The following MAD1L1 variants were observed in gnomAD, a reference collection of about 807,000 sequenced individuals.
MAD1L1 encodes mitotic spindle assembly checkpoint protein MAD1.
A neutral mutation model predicts 96.9 loss-of-function variants in MAD1L1; 95 were observed. The ratio of observed to expected loss-of-function variants is 0.98; its 90% CI spans 0.83 to 1.16. The LOEUF is 1.16. MAD1L1 is among the 50% of genes most tolerant of loss of function. MAD1L1 has a pLI of 0.00. For synonymous variants in MAD1L1, 473 were observed against 396.6 expected, an observed-to-expected ratio of 1.19 and a Z score of -2.29; for missense variants, 1,007 against 954.4, an observed-to-expected ratio of 1.06 and a Z score of -0.73.
intron 17 of MAD1L1, among the ~76,000 whole-genome samples, chr7:1,925,685 T>C (rs895597117): frequency 6.6e-6 from 1 of 152,236 alleles, no homozygotes; most frequent in Non-Finnish European, 1.5e-5. Flanking sequence ...GAGGCCACGT[T>C]CAAACTATGG....
chr7:1,902,774 CGG>C (rs1787329091), intron 17 of MAD1L1, among the ~76,000 whole-genome samples: 1 of 151,820 alleles, frequency 6.6e-6, no homozygotes, highest in African/African-American at 2.4e-5. Flanking sequence ...CAGTGGCCTA[CGG>C]AAGACGATCT....
At chr7:1,950,211 G>C (rs1219110972) in intron 16 of MAD1L1, among the ~76,000 whole-genome samples, 2 of 152,212 alleles carry the variant, frequency 1.3e-5, no homozygotes, top group Non-Finnish European at 2.9e-5. Context: ...TGTGACTCTG[G>C]GCCAGTCCCC....
intron 11 of MAD1L1, among the ~76,000 whole-genome samples, chr7:2,148,872 G>A (rs1451437912): frequency 1.3e-5 from 2 of 152,160 alleles, no homozygotes; most frequent in Admixed American, 1.3e-4. Context: ...GATCCAAGGA[G>A]GGACCCCACA....
chr7:2,026,480 A>G (rs1017036902), intron 12 of MAD1L1, among the ~76,000 whole-genome samples: 5 of 152,222 alleles, frequency 3.3e-5, no homozygotes, highest in African/African-American at 1.2e-4. Flanking sequence ...TGCACTCAAC[A>G]ATTGCAGAAT....
intron 18 of MAD1L1, chr7:1,838,719 A>C (rs1286531819): frequency 4.3e-6 from 2 of 467,156 alleles, no homozygotes; most frequent in East Asian, 1.4e-4. Context: ...TGATAAAGGC[A>C]TTCATTCCAA....
Position 2,230,053 on chromosome 7 carries a change from T to C in MAD1L1, c.81A>G (p.Gly27=). The C allele has an allele frequency of 1.9e-6, 3 of 1,613,576 alleles. No homozygotes were observed. Reference sequence around the variant, plus strand: ...AGGTAGAAATATCCAGTCCAGAGCCTCCCTCCACACGCTGAGAGATGAAGT... The same window carrying C: ...AGGTAGAAATATCCAGTCCAGAGCCCCCCTCCACACGCTGAGAGATGAAGT... ...LNNFISQRVE[G]GSGLDISTSA... Residue 27 remains glycine (G), a synonymous_variant, in exon 3 of 19, where the codon GGA becomes GGG. Transcript: ENST00000265854.
chr7:1,888,191 CATGT>C (rs1370380673), intron 18 of MAD1L1, among the ~76,000 whole-genome samples: 5 of 145,130 alleles, frequency 3.4e-5, no homozygotes, highest in Non-Finnish European at 4.5e-5. Flanking sequence ...TGTGTGCATG[CATGT>C]ATGTGGCTGC....
At chr7:2,132,676 G>A (rs1788575381) in intron 11 of MAD1L1, among the ~76,000 whole-genome samples, 1 of 152,202 alleles carries the variant, frequency 6.6e-6, no homozygotes, top group Middle Eastern at 3.2e-3. Context: ...CTCTTTCACT[G>A]TGCAATATAT....
At chr7:1,893,838 T>C (rs1786703804) in intron 18 of MAD1L1, among the ~76,000 whole-genome samples, 1 of 152,200 alleles carries the variant, frequency 6.6e-6, no homozygotes, top group African/African-American at 2.4e-5. Flanking sequence ...CCACAGTGTC[T>C]CTTATCTCTC....
chr7:1,891,482 C>T (rs563176651), intron 18 of MAD1L1, among the ~76,000 whole-genome samples: 6 of 152,212 alleles, frequency 3.9e-5, no homozygotes, highest in Admixed American at 3.9e-4. Context: ...GCCGAAATCG[C>T]GCCACTGCAC....
At chr7:2,012,983 C>A (rs921415079) in intron 13 of MAD1L1, among the ~76,000 whole-genome samples, 1 of 152,254 alleles carries the variant, frequency 6.6e-6, no homozygotes, top group African/African-American at 2.4e-5. Context: ...GCCCATGCAG[C>A]GCAGCTCCCT....
chr7:1,912,145 T>G (rs1583757544), intron 17 of MAD1L1, among the ~76,000 whole-genome samples: 1 of 151,834 alleles, frequency 6.6e-6, no homozygotes, highest in Non-Finnish European at 1.5e-5. Flanking sequence ...GTGGCAGGGG[T>G]CCAGATGGCG....
chr7:2,155,896 C>T (rs571822936), intron 10 of MAD1L1, among the ~76,000 whole-genome samples: 11 of 152,236 alleles, frequency 7.2e-5, no homozygotes, highest in Non-Finnish European at 1.5e-4. Context: ...TGTGGCTGCA[C>T]CAACTTACTT....
At chr7:2,215,741 TG>T in intron 9 of MAD1L1, 143 bp downstream of exon 9, 1 of 727,818 alleles carries the variant, frequency 1.4e-6, no homozygotes. Context: ...TGGACCTCTC[TG>T]GGGACCACGA....
intron 11 of MAD1L1, among the ~76,000 whole-genome samples, chr7:2,148,094 G>GT (rs1442846261): frequency 6.6e-6 from 1 of 152,162 alleles, no homozygotes; most frequent in Non-Finnish European, 1.5e-5. Flanking sequence ...ATCATTTGAG[G>GT]TTTTTCAGTA....
At chr7:1,979,589 A>G (rs538235143) in intron 15 of MAD1L1, among the ~76,000 whole-genome samples, 2 of 152,316 alleles carry the variant, frequency 1.3e-5, no homozygotes, top group South Asian at 2.1e-4. Flanking sequence ...ATGGGTCCAC[A>G]AGGCGGGGGA....
chr7:2,112,163 A>G (rs566724474), intron 11 of MAD1L1, among the ~76,000 whole-genome samples: 1 of 152,264 alleles, frequency 6.6e-6, no homozygotes, highest in East Asian at 1.9e-4. Context: ...CGTTCTGGAA[A>G]AGGCAAAATC....
chr7:2,018,529 G>A (rs1782643709), intron 12 of MAD1L1, among the ~76,000 whole-genome samples: 1 of 152,214 alleles, frequency 6.6e-6, no homozygotes, highest in Non-Finnish European at 1.5e-5. Context: ...TGGTGAGGCA[G>A]GCGCCCAGCA....
chr7:2,068,323 G>A (rs1355115403), intron 12 of MAD1L1, among the ~76,000 whole-genome samples: 3 of 152,208 alleles, frequency 2.0e-5, no homozygotes, highest in Non-Finnish European at 4.4e-5. Context: ...TGGAGAAGCT[G>A]TAAAACAGCA....
Sources: allele counts gnomAD v4.1 joint callset (sites outside exome capture counted in the v4.1 genomes callset), GRCh38; gene constraint gnomAD v4.1.1; transcripts MANE v1.5; gene names NCBI Gene and HGNC (gene_info 2026-07-23, HGNC 2026-07-21).